The following NMBR variants were observed in gnomAD, a reference collection of about 807,000 sequenced individuals.
The protein encoded by NMBR is neuromedin-B receptor.
In NMBR, 16 loss-of-function variants were observed where a neutral mutation model predicts 20.5. The ratio of observed to expected loss-of-function variants is 0.78; its 90% CI spans 0.53 to 1.19. The LOEUF is 1.19. Among genes scored for constraint, NMBR ranks in the 50% most tolerant of loss-of-function variants. NMBR has a pLI of 0.00. For synonymous variants in NMBR, 212 were observed against 196.6 expected, an observed-to-expected ratio of 1.08 and a Z score of -0.65; for missense variants, 582 against 499.1, an observed-to-expected ratio of 1.17 and a Z score of -1.58.
intron 1 of NMBR, among the ~76,000 whole-genome samples, chr6:142,118,139 C>T (rs548908401): frequency 6.6e-6 from 1 of 151,996 alleles, no homozygotes; most frequent in African/African-American, 2.4e-5. Flanking sequence ...TATAATTTTC[C>T]TACCAATAAA....
At chr6:142,134,774 T>C (rs1292662846) in intron 1 of NMBR, 2 of 692,780 alleles carry the variant, frequency 2.9e-6, no homozygotes, top group Non-Finnish European at 5.2e-6. Flanking sequence ...GGGGAAAACA[T>C]GATTATAAGA....
At chr6:142,100,273 A>G (rs897471340) in intron 1 of NMBR, among the ~76,000 whole-genome samples, 2 of 150,820 alleles carry the variant, frequency 1.3e-5, no homozygotes, top group African/African-American at 4.9e-5. Context: ...TGTTTATAAC[A>G]GCTTTATTCA....
intron 2 of NMBR, among the ~76,000 whole-genome samples, chr6:142,085,752 A>G (rs1168828584): frequency 6.6e-6 from 1 of 151,990 alleles, no homozygotes; most frequent in Non-Finnish European, 1.5e-5. Flanking sequence ...GTTTTTTTCT[A>G]TGTACTGTGA....
intron 1 of NMBR, among the ~76,000 whole-genome samples, chr6:142,100,228 GAA>G (rs1286928564): frequency 2.6e-5 from 4 of 152,030 alleles, no homozygotes; most frequent in Admixed American, 1.3e-4. Context: ...CAAAATATTT[GAA>G]AACATATGTC....
rs546635530 is a variant in NMBR, at chr6:142,133,704, T to C, written c.-664+13340A>G. On this transcript the variant is annotated intron_variant, in intron 1 of 3. Coordinates refer to ENST00000258042, the MANE Select transcript of NMBR (RefSeq NM_002511.4). ...GAGAAATCTCATAATGCAGGAATTATATTTGATTTGATGATCTCTAAGGGT... is the reference window on the plus strand; with the variant it reads ...GAGAAATCTCATAATGCAGGAATTACATTTGATTTGATGATCTCTAAGGGT... The C allele has an allele frequency of 1.3e-3, 610 of 466,494 alleles. 1 individual carries two copies. Among genetic ancestry groups the C allele is most frequent in the African/African-American group, 0.011 (558 of 51,250 alleles). 28.9% of individuals were successfully genotyped at this position (466,494 alleles called of 1,614,324 possible). A position where few individuals can be genotyped will look rare whatever the true frequency, so the allele number is the denominator to read the frequency against.
chr6:142,126,283 G>C (rs1411300129), intron 1 of NMBR, among the ~76,000 whole-genome samples: 1 of 151,588 alleles, frequency 6.6e-6, no homozygotes, highest in African/African-American at 2.4e-5. Context: ...GTGTGTGTGT[G>C]TGAGATTTCT....
intron 1 of NMBR, among the ~76,000 whole-genome samples, chr6:142,146,251 TGAGA>T (rs1362184645): frequency 6.6e-6 from 1 of 151,956 alleles, no homozygotes; most frequent in East Asian, 1.9e-4. Flanking sequence ...CTTCTGGGGG[TGAGA>T]GAGTGATCAG....
At chr6:142,117,842 C>A (rs1777879882) in intron 1 of NMBR, among the ~76,000 whole-genome samples, 1 of 151,904 alleles carries the variant, frequency 6.6e-6, no homozygotes, top group Non-Finnish European at 1.5e-5. Flanking sequence ...TTTTCTCACA[C>A]TAAAGTACAC....
At position 142,088,680 on chromosome 6, in the gene NMBR, C is replaced by T. The variant is rs568851162; in HGVS notation, c.-22G>A. ...GCATGATCTCCTTTCCAGCAGAGTC[C>T]GCTGGAGTTTTCACGCGCTCCGGTG... is the stretch of plus-strand genomic sequence containing the variant. On this transcript the variant is annotated 5_prime_UTR_variant, in exon 2 of 4. Coordinates refer to ENST00000258042, the MANE Select transcript of NMBR (RefSeq NM_002511.4). 21 of 1,581,658 alleles carry T rather than the reference C, an allele frequency of 1.3e-5. No individual in the cohort carries two copies. In the East Asian group the frequency reaches 3.4e-4, roughly 25 times the overall value.
intron 1 of NMBR, among the ~76,000 whole-genome samples, chr6:142,132,211 C>A (rs1428436194): frequency 1.3e-5 from 2 of 152,080 alleles, no homozygotes; most frequent in Admixed American, 1.3e-4. Flanking sequence ...TTTGGCAGAT[C>A]ACAAGAAAAT....
At chr6:142,095,579 AT>A (rs529328207) in intron 1 of NMBR, among the ~76,000 whole-genome samples, 76 of 152,254 alleles carry the variant, frequency 5.0e-4, no homozygotes, top group African/African-American at 1.8e-3. Context: ...GGATTTTTGC[AT>A]TGATGTTCCT....
At chr6:142,095,333 A>G (rs910968316) in intron 1 of NMBR, among the ~76,000 whole-genome samples, 1 of 152,158 alleles carries the variant, frequency 6.6e-6, no homozygotes, top group African/African-American at 2.4e-5. Context: ...TCCCATCAAT[A>G]CCTAATTTAT....
chr6:142,103,802 G>A (rs571468195), intron 1 of NMBR, among the ~76,000 whole-genome samples: 30 of 152,222 alleles, frequency 2.0e-4, no homozygotes, highest in African/African-American at 7.0e-4. Flanking sequence ...TTGGTATTCA[G>A]TTAATTTTTT....
At chr6:142,106,069 G>A (rs574326074) in intron 1 of NMBR, among the ~76,000 whole-genome samples, 67 of 152,188 alleles carry the variant, frequency 4.4e-4, no homozygotes, top group African/African-American at 1.6e-3. Flanking sequence ...CCTCCCTAAT[G>A]TCTTCCCCAG....
At chr6:142,123,696 TA>T (rs1359034999) in intron 1 of NMBR, among the ~76,000 whole-genome samples, 1 of 151,874 alleles carries the variant, frequency 6.6e-6, no homozygotes, top group Non-Finnish European at 1.5e-5. Context: ...TACAACTCCC[TA>T]AAGGCTGGGG....
At chr6:142,097,671 T>C (rs2114577361) in intron 1 of NMBR, among the ~76,000 whole-genome samples, 1 of 152,170 alleles carries the variant, frequency 6.6e-6, no homozygotes, top group South Asian at 2.1e-4. Context: ...GACATGCACT[T>C]GGAAATTACC....
chr6:142,134,036 A>C (rs1778199924), intron 1 of NMBR: 2 of 678,480 alleles, frequency 2.9e-6, no homozygotes, highest in African/African-American at 3.5e-5. Context: ...TCCACAAGTA[A>C]GTTTTTCTGT....
intron 2 of NMBR, among the ~76,000 whole-genome samples, chr6:142,084,091 A>G (rs1777155762): frequency 6.6e-6 from 1 of 152,186 alleles, no homozygotes; most frequent in African/African-American, 2.4e-5. Context: ...AGGAGTTTTG[A>G]TGAGAAAACA....
intron 2 of NMBR, among the ~76,000 whole-genome samples, chr6:142,086,022 T>C (rs906445842): frequency 2.2e-5 from 3 of 138,672 alleles, no homozygotes; most frequent in Non-Finnish European, 4.7e-5. Flanking sequence ...TCCTGTACTC[T>C]TTTTTTTTTT....
Sources: allele counts gnomAD v4.1 joint callset (sites outside exome capture counted in the v4.1 genomes callset), GRCh38; gene constraint gnomAD v4.1.1; transcripts MANE v1.5; gene names NCBI Gene and HGNC (gene_info 2026-07-23, HGNC 2026-07-21).